The following TOMM40L variants were observed in gnomAD, a reference collection of about 807,000 sequenced individuals.
The protein encoded by TOMM40L is mitochondrial import receptor subunit TOM40B.
TOMM40L carries 17 observed loss-of-function variants against 38.3 expected under a neutral mutation model. The ratio of observed to expected loss-of-function variants is 0.44; its 90% CI spans 0.30 to 0.67. The LOEUF is 0.67. Ranked by LOEUF, TOMM40L falls within the 30% of genes least tolerant of loss-of-function variation. The pLI, the probability that TOMM40L is intolerant of heterozygous loss-of-function variation, is 0.08. For synonymous variants in TOMM40L, 151 were observed against 150.2 expected (o/e 1.01, Z -0.04); for missense variants, 294 against 390.0 (o/e 0.75, Z 2.07).
At chr1:161,228,626 G>A (rs915494063) in intron 8 of TOMM40L, 89 bp from the exon 9 acceptor site, 1 of 1,557,000 alleles carries the variant, frequency 6.4e-7, no homozygotes, top group Non-Finnish European at 8.8e-7. Flanking sequence ...ATATTTACAT[G>A]CATGCCTCCA....
rs936071185 is a variant in TOMM40L at position 161,230,153 on chromosome 1, A to G, written c.*1058A>G. ...ACCATGCTCAGTTTTTTCTGAACCC[A>G]GAGCTCTGAGAGCCGAGTGTGAAGA... is the stretch of plus-strand genomic sequence containing the variant. On this transcript the variant is annotated 3_prime_UTR_variant, in exon 10 of 10. Transcript: ENST00000367988. The G allele has an allele frequency of 6.8e-5, 36 of 526,048 alleles. No homozygotes were observed. Among genetic ancestry groups the G allele is most frequent in the Non-Finnish European group, 1.1e-4 (34 of 295,942 alleles). The allele number at this position is 526,048 out of a possible 1,614,324, so 32.6% of individuals were successfully genotyped here. A position where few individuals can be genotyped will look rare whatever the true frequency, so the allele number is the denominator to read the frequency against.
At chr1:161,228,352 T>C (rs1666528446) in intron 7 of TOMM40L, 44 bp downstream of exon 7, 2 of 1,610,930 alleles carry the variant, frequency 1.2e-6, no homozygotes, top group Non-Finnish European at 1.7e-6. Flanking sequence ...GGGGCAATTC[T>C]GGACTTTTCT....
chr1:161,227,790 C>T (rs1438406502), intron 5 of TOMM40L, 53 bp downstream of exon 5: 10 of 1,603,386 alleles, frequency 6.2e-6, no homozygotes, highest in African/African-American at 1.3e-5. Flanking sequence ...TTCTCCTCCA[C>T]GGGTTTCCTG....
At chr1:161,228,665 T>C (rs777522046) in intron 8 of TOMM40L, 50 bp from the exon 9 acceptor site, 1 of 1,604,572 alleles carries the variant, frequency 6.2e-7, no homozygotes, top group Non-Finnish European at 8.5e-7. Flanking sequence ...AGGACCCTTC[T>C]GGTCTTCACT....
intron 4 of TOMM40L, 39 bp downstream of exon 4, chr1:161,227,389 C>A (rs762115132): frequency 6.3e-7 from 1 of 1,581,098 alleles, no homozygotes; most frequent in South Asian, 1.1e-5. Context: ...CCCTAAAAAC[C>A]AATCTGGGAC....
chr1:161,228,337 G>C (rs772789513), intron 7 of TOMM40L, 29 bp downstream of exon 7: 2 of 1,608,700 alleles, frequency 1.2e-6, no homozygotes, highest in Admixed American at 1.7e-5. Flanking sequence ...TAGTGGTGGT[G>C]GTGGGGGGCA....
At chr1:161,226,777 A>G in intron 2 of TOMM40L, 111 bp from the exon 3 acceptor site, 1 of 1,346,768 alleles carries the variant, frequency 7.4e-7, no homozygotes, top group Non-Finnish European at 1.0e-6. Context: ...AGGACTTGAA[A>G]GGAGGTTAAT....
Position 161,230,624 on chromosome 1 carries a change from G to A in TOMM40L, c.*1529G>A, listed in dbSNP as rs1666958932. 1 of 716,058 alleles carries A rather than the reference G, an allele frequency of 1.4e-6. No homozygotes were observed. The highest frequency in any genetic ancestry group is 2.7e-5 in the East Asian group (1 of 36,906). The allele number at this position is 716,058 out of a possible 1,614,324, so 44.4% of individuals were successfully genotyped here. A position where few individuals can be genotyped will look rare whatever the true frequency, so the allele number is the denominator to read the frequency against. The stretch of plus-strand genomic sequence containing the variant: ...CTGGAAAAAGTGAGATGAAACAGCA[G>A]TATCCAAATACAGCAATTTGGATGC... On this transcript the variant is annotated 3_prime_UTR_variant, in exon 10 of 10. Transcript: ENST00000367988.
In TOMM40L at chr1:161,230,627, T is replaced by C; in HGVS notation, c.*1532T>C. The C allele has an allele frequency of 2.7e-6, 2 of 740,980 alleles. No individual in the cohort carries two copies. Among genetic ancestry groups the C allele is most frequent in the East Asian group, 5.4e-5 (2 of 37,084 alleles). The allele number at this position is 740,980 out of a possible 1,614,324, so 45.9% of individuals were successfully genotyped here. A position where few individuals can be genotyped will look rare whatever the true frequency, so the allele number is the denominator to read the frequency against. ...GAAAAAGTGAGATGAAACAGCAGTA[T>C]CCAAATACAGCAATTTGGATGCTGA... On this transcript the variant is annotated 3_prime_UTR_variant, in exon 10 of 10. Coordinates refer to ENST00000367988, the MANE Select transcript of TOMM40L (RefSeq NM_032174.6).
Position 161,230,011 on chromosome 1 carries a change from AAC to A in TOMM40L, c.*917_*918del. 4.6e-6 allele frequency: 7 copies of A among 1,514,118 alleles called. No individual in the cohort carries two copies. Among genetic ancestry groups the A allele is most frequent in the Non-Finnish European group, 6.3e-6 (7 of 1,102,688 alleles). 93.8% of individuals were successfully genotyped at this position (1,514,118 alleles called of 1,614,324 possible). On this transcript the variant is annotated 3_prime_UTR_variant, in exon 10 of 10. Transcript: ENST00000367988. ...CTTGTCTCTAGGCCCTGATCCCCTG[AAC>A]TATTCCTCAGTGAAGCCAGGTCTGA...
At chr1:161,228,336 T>G (rs1571652114) in intron 7 of TOMM40L, 28 bp downstream of exon 7, 1 of 1,608,000 alleles carries the variant, frequency 6.2e-7, no homozygotes, top group Non-Finnish European at 8.5e-7. Context: ...GTAGTGGTGG[T>G]GGTGGGGGGC....
chr1:161,228,486 C>T lies in TOMM40L; in HGVS notation c.666C>T (p.Tyr222=). The change falls in exon 8 of 10, where the codon TAC becomes TAT. Residue 222 remains tyrosine, a synonymous_variant. Transcript: ENST00000367988. ...VGSGGAHASY[Y]HRANEQVQVG... Reference sequence around the variant, plus strand: ...CAGGCGGGGCCCATGCAAGTTACTACCACAGGGCAAATGAACAGGTGAGAC... The same window carrying T: ...CAGGCGGGGCCCATGCAAGTTACTATCACAGGGCAAATGAACAGGTGAGAC... The T allele has an allele frequency of 6.2e-7, 1 of 1,614,114 alleles. No homozygotes were observed. The highest frequency in any genetic ancestry group is 8.5e-7 in the Non-Finnish European group (1 of 1,180,014).
chr1:161,226,540 C>A lies in TOMM40L; in HGVS notation c.51C>A (p.Ser17Arg). The change falls in exon 2 of 10, where the codon AGC becomes AGA. Residue 17 changes from serine to arginine, a missense_variant. Coordinates refer to ENST00000367988, the MANE Select transcript of TOMM40L (RefSeq NM_032174.6). ...LAPMGTLPRR[S>R]PRREEPLPNP... ...CAATGGGGACTTTGCCCCGCCGGAG[C>A]CCCCGCCGAGAGGAACCCCTGCCCA... 1.2e-6 allele frequency: 2 copies of A among 1,614,050 alleles called. No individual in the cohort carries two copies. Among genetic ancestry groups the A allele is most frequent in the East Asian group, 2.2e-5 (1 of 44,874 alleles).
At chr1:161,228,354 G>T in intron 7 of TOMM40L, 46 bp downstream of exon 7, 1 of 1,610,992 alleles carries the variant, frequency 6.2e-7, no homozygotes, top group Non-Finnish European at 8.5e-7. Context: ...GGCAATTCTG[G>T]ACTTTTCTGG....
intron 3 of TOMM40L, 70 bp from the exon 4 acceptor site, chr1:161,227,188 C>T (rs1439180256): frequency 3.4e-6 from 5 of 1,472,198 alleles, no homozygotes; most frequent in Non-Finnish European, 4.8e-6. Flanking sequence ...GGGGAAAAGA[C>T]TAAGGGTGGG....
Position 161,230,614 on chromosome 1 carries a change from T to C in TOMM40L, c.*1519T>C, listed in dbSNP as rs1177135643. 8 of 682,176 alleles carry C rather than the reference T, an allele frequency of 1.2e-5. No individual in the cohort carries two copies. In the East Asian group the frequency reaches 2.2e-4, roughly 19 times the overall value. 42.3% of individuals were successfully genotyped at this position (682,176 alleles called of 1,614,324 possible). On this transcript the variant is annotated 3_prime_UTR_variant, in exon 10 of 10. Coordinates refer to ENST00000367988, the MANE Select transcript of TOMM40L (RefSeq NM_032174.6). ...AAAAAAAAATCTGGAAAAAGTGAGA[T>C]GAAACAGCAGTATCCAAATACAGCA...
chr1:161,228,580 C>T, intron 8 of TOMM40L, 76 bp downstream of exon 8: 1 of 1,579,688 alleles, frequency 6.3e-7, no homozygotes, highest in Non-Finnish European at 8.7e-7. Context: ...CTCTATCGCC[C>T]TGCTGACCTA....
At position 161,230,679 on chromosome 1, in the gene TOMM40L, G is replaced by A; in HGVS notation, c.*1584G>A. 1 of 1,147,078 alleles carries A rather than the reference G, an allele frequency of 8.7e-7. No individual in the cohort carries two copies. Among genetic ancestry groups the A allele is most frequent in the Non-Finnish European group, 1.2e-6 (1 of 804,038 alleles). 71.1% of individuals were successfully genotyped at this position (1,147,078 alleles called of 1,614,324 possible). On this transcript the variant is annotated 3_prime_UTR_variant, in exon 10 of 10. Coordinates refer to ENST00000367988, the MANE Select transcript of TOMM40L (RefSeq NM_032174.6). ...ACGATGTGAGACAGGGATGGCCAGG[G>A]GGAAGGACTAGACCCCACGATACCT...
At chr1:161,226,850 G>T (rs766459021) in intron 2 of TOMM40L, 38 bp from the exon 3 acceptor site, 6 of 1,608,838 alleles carry the variant, frequency 3.7e-6, no homozygotes, top group Non-Finnish European at 5.1e-6. Context: ...GGGGTTCTTT[G>T]TCTGTGCTTA....
Sources: gnomAD v4.1 joint callset for allele counts on GRCh38, gnomAD v4.1.1 for gene constraint, MANE v1.5 for transcripts, NCBI Gene and HGNC (gene_info 2026-07-23, HGNC 2026-07-21) for gene names.